Variants in PCDHGA11 observed in about 807,000 individuals in gnomAD.
PCDHGA11 encodes protocadherin gamma-A11.
Under a neutral mutation model 60.4 loss-of-function variants are expected in PCDHGA11, and 39 were observed. The observed-to-expected ratio is 0.65, with a 90% CI of 0.50 to 0.84. The LOEUF is 0.84. PCDHGA11 is among the 40% of genes least tolerant of loss of function. The pLI, the probability that PCDHGA11 is intolerant of heterozygous loss-of-function variation, is 0.00. For missense variants in PCDHGA11, 1,165 were observed against 1,197.7 expected (o/e 0.97, Z 0.40); for synonymous variants, 533 against 510.3 (o/e 1.04, Z -0.60).
Position 141,486,929 on chromosome 5 carries a change from G to A in PCDHGA11, c.2434-7878G>A. 2.5e-6 allele frequency: 4 copies of A among 1,614,226 alleles called. No individual in the cohort carries two copies. Among genetic ancestry groups the A allele is most frequent in the Non-Finnish European group, 2.5e-6 (3 of 1,180,038 alleles). ...CCAAGCACTGCCTCCATCAGTTGGT[G>A]CTGGCCACCTAATCACAAAGGTGAC... On this transcript the variant is annotated intron_variant, in intron 1 of 3. Transcript: ENST00000398587. This position sits in a 1 kb window ranked among gnomAD's most constrained non-coding sequence, Gnocchi z 5.0.
chr5:141,470,836 C>T lies in PCDHGA11; in HGVS notation c.2434-23971C>T, dbSNP rs577375498. On this transcript the variant is annotated intron_variant, in intron 1 of 3. Transcript: ENST00000398587. ...CTGAGTAGTTAGGACGACAAACACA[C>T]GCCACCATGCTCAGATAAGTTTTTT... 2.6e-5 allele frequency among the ~76,000 whole-genome samples: 4 copies of T among 152,176 alleles called. No homozygotes were observed. The East Asian group carries it at 5.8e-4, about 22-fold the overall frequency.
Position 141,491,078 on chromosome 5 carries a change from C to G in PCDHGA11, c.2434-3729C>G, listed in dbSNP as rs1386717886. The G allele has an allele frequency of 5.6e-6, 9 of 1,614,194 alleles. No homozygotes were observed. Among genetic ancestry groups the G allele is most frequent in the East Asian group, 4.5e-5 (2 of 44,882 alleles). ...CTCTCCTACTCACTGTTGCCACAGTCCACAGCCCCAGGACTGTTCCTCGTG... is the reference window on the plus strand; with the variant it reads ...CTCTCCTACTCACTGTTGCCACAGTGCACAGCCCCAGGACTGTTCCTCGTG... On this transcript the variant is annotated intron_variant, in intron 1 of 3. Transcript: ENST00000398587. This position sits in a 1 kb window ranked among gnomAD's most constrained non-coding sequence, Gnocchi z 6.9.
chr5:141,455,787 C>T (rs1259121501), intron 1 of PCDHGA11, among the ~76,000 whole-genome samples: 2 of 152,004 alleles, frequency 1.3e-5, no homozygotes, highest in Non-Finnish European at 2.9e-5. Flanking sequence ...GAAACTTTTC[C>T]GGAGATGCTT....
At chr5:141,474,997 A>C (rs2154572220) in intron 1 of PCDHGA11, among the ~76,000 whole-genome samples, 1 of 152,376 alleles carries the variant, frequency 6.6e-6, no homozygotes, top group African/African-American at 2.4e-5. Flanking sequence ...ACAATTCTAA[A>C]TGCAGAAAAG....
chr5:141,484,845 G>T (rs541372844), intron 1 of PCDHGA11, among the ~76,000 whole-genome samples: 10 of 152,076 alleles, frequency 6.6e-5, no homozygotes, highest in Admixed American at 2.6e-4. Flanking sequence ...GATAGGCTGG[G>T]TTTTTTGGGG....
Position 141,421,871 on chromosome 5 carries a change from C to CT in PCDHGA11, c.647dup (p.Leu216PhefsTer23). 1 of 1,613,756 alleles carries CT rather than the reference C, an allele frequency of 6.2e-7. No homozygotes were observed. Among genetic ancestry groups the CT allele is most frequent in the East Asian group, 2.2e-5 (1 of 44,882 alleles). ...GCTGCTCACCTGCTCCTCCTCACAGCTTTAGATGGAGGCGATCCCATCCGA... is the reference window on the plus strand; with the variant it reads ...GCTGCTCACCTGCTCCTCCTCACAGCTTTTAGATGGAGGCGATCCCATCCGA... On this transcript the variant is annotated frameshift_variant, in exon 1 of 4. Transcript: ENST00000398587. LOFTEE classifies it high-confidence loss of function.
At chr5:141,450,626 A>G (rs1474729472) in intron 1 of PCDHGA11, among the ~76,000 whole-genome samples, 1 of 151,438 alleles carries the variant, frequency 6.6e-6, no homozygotes, top group East Asian at 2.0e-4. Context: ...AGCTGGGATT[A>G]CAGATGCCTG....
At chr5:141,449,198 A>C (rs2098631518) in intron 1 of PCDHGA11, among the ~76,000 whole-genome samples, 1 of 152,188 alleles carries the variant, frequency 6.6e-6, no homozygotes, top group Non-Finnish European at 1.5e-5. Context: ...AAGAAGTGTT[A>C]ATTCTAACTT....
intron 1 of PCDHGA11, chr5:141,478,167 G>A: frequency 6.2e-7 from 1 of 1,613,772 alleles, no homozygotes; most frequent in Non-Finnish European, 8.5e-7. Context: ...TCTGCCCCCC[G>A]GGAGCAGAAA....
rs747509171 is a variant in PCDHGA11, at chr5:141,477,069, A to G, written c.2434-17738A>G. The stretch of plus-strand genomic sequence containing the variant: ...CTGGACTTCGAGGACACCAAACTCC[A>G]TGAGATTTACATCCAGGCCAAAGAC... On this transcript the variant is annotated intron_variant, in intron 1 of 3. Coordinates refer to ENST00000398587, the MANE Select transcript of PCDHGA11 (RefSeq NM_018914.3). The surrounding 1 kb of genome is among the most constrained non-coding windows in gnomAD (Gnocchi z 4.9). 7 of 1,614,246 alleles carry G rather than the reference A, an allele frequency of 4.3e-6. No homozygotes were observed. The highest frequency in any genetic ancestry group is 5.9e-6 in the Non-Finnish European group (7 of 1,180,026).
In PCDHGA11 at chr5:141,476,651, T is replaced by C. The variant is rs1355056895; in HGVS notation, c.2434-18156T>C. On this transcript the variant is annotated intron_variant, in intron 1 of 3. Coordinates refer to ENST00000398587, the MANE Select transcript of PCDHGA11 (RefSeq NM_018914.3). This position sits in a 1 kb window ranked among gnomAD's most constrained non-coding sequence, Gnocchi z 7.6. ...AACCTATGAGCTGAGCCGAAATGAA[T>C]ACTTTGCGCTTCGCGTGCAGACGCG... is the stretch of plus-strand genomic sequence containing the variant. The C allele has an allele frequency of 3.7e-6, 6 of 1,614,118 alleles. No individual in the cohort carries two copies. Among genetic ancestry groups the C allele is most frequent in the Non-Finnish European group, 5.1e-6 (6 of 1,180,050 alleles).
intron 1 of PCDHGA11, among the ~76,000 whole-genome samples, chr5:141,443,323 A>AG (rs1262238603): frequency 1.3e-5 from 2 of 151,732 alleles, no homozygotes; most frequent in African/African-American, 4.9e-5. Context: ...TCTACAAAAA[A>AG]AAAAAACAAA....
At chr5:141,466,281 C>T (rs555506496) in intron 1 of PCDHGA11, among the ~76,000 whole-genome samples, 76 of 152,252 alleles carry the variant, frequency 5.0e-4, no homozygotes, top group African/African-American at 1.7e-3. Context: ...AGCAATCTTC[C>T]CACCTCAGGC....
chr5:141,442,898 TCTC>T (rs1427810429), intron 1 of PCDHGA11, among the ~76,000 whole-genome samples: 14 of 152,222 alleles, frequency 9.2e-5, no homozygotes, highest in Admixed American at 9.2e-4. Context: ...GCTTATCACT[TCTC>T]CTTCAGCACA....
chr5:141,426,085 C>T (rs1315114723), intron 1 of PCDHGA11, among the ~76,000 whole-genome samples: 7 of 152,148 alleles, frequency 4.6e-5, no homozygotes, highest in Non-Finnish European at 8.8e-5. Flanking sequence ...TCTACCAGGA[C>T]GATATTCTGT....
intron 1 of PCDHGA11, among the ~76,000 whole-genome samples, chr5:141,454,658 G>T (rs961640658): frequency 1.3e-5 from 2 of 151,812 alleles, no homozygotes; most frequent in Non-Finnish European, 2.9e-5. Flanking sequence ...TGCCCACCTC[G>T]GCCTCCCAAA....
rs146719320 is a variant in PCDHGA11, at chr5:141,444,557, A to T, written c.2433+20897A>T. ...TGTGTCTAGTGAGCAAAAGGCACTTATTTGACACTTTTGACTCTTCCTTTC... is the reference window on the plus strand; with the variant it reads ...TGTGTCTAGTGAGCAAAAGGCACTTTTTTGACACTTTTGACTCTTCCTTTC... On this transcript the variant is annotated intron_variant, in intron 1 of 3. Transcript: ENST00000398587. Among the ~76,000 whole-genome samples, 1,352 of 152,248 alleles carry T rather than the reference A, an allele frequency of 8.9e-3. 18 individuals carry two copies. The highest frequency in any genetic ancestry group is 0.031 in the African/African-American group (1,277 of 41,558).
Position 141,422,727 on chromosome 5 carries a change from G to A in PCDHGA11, c.1500G>A (p.Val500=). The A allele has an allele frequency of 3.7e-6, 6 of 1,606,552 alleles. No homozygotes were observed. Among genetic ancestry groups the A allele is most frequent in the Non-Finnish European group, 5.1e-6 (6 of 1,175,768 alleles). The change falls in exon 1 of 4, where the codon GTG becomes GTA. Residue 500 remains valine (V), a synonymous_variant. Transcript: ENST00000398587. ...YSLTDDTVQG[V]PLSSYVSINS... ...TGACGGATGACACTGTCCAGGGGGT[G>A]CCTCTGTCCTCCTATGTCTCTATTA...
At position 141,438,611 on chromosome 5, in the gene PCDHGA11, TATATATATATATATATATATATATACAC is replaced by T. The variant is rs1434670383; in HGVS notation, c.2433+14953_2433+14980del. On this transcript the variant is annotated intron_variant, in intron 1 of 3. Transcript: ENST00000398587. ...ACATACATATATATATATATATATA[TATATATATATATATATATATATATACAC>T]ACACACACACACATATATGTATATA... Among the ~76,000 whole-genome samples the T allele has an allele frequency of 2.7e-3, 107 of 39,370 alleles. 2 individuals are homozygous for T. Among genetic ancestry groups the T allele is most frequent in the Admixed American group, 0.019 (57 of 3,044 alleles). The allele number at this position is 39,370 out of a possible 152,430, so 25.8% of individuals were successfully genotyped here.
Sources: gnomAD v4.1 joint callset for allele counts (sites outside exome capture counted in the v4.1 genomes callset) on GRCh38, gnomAD v4.1.1 for gene constraint, Gnocchi (gnomAD v3.1) non-coding constraint, MANE v1.5 for transcripts, NCBI Gene and HGNC (gene_info 2026-07-23, HGNC 2026-07-21) for gene names.